Variants in PPP2R2B observed in about 807,000 individuals in gnomAD.
PPP2R2B encodes serine/threonine-protein phosphatase 2A 55 kDa regulatory subunit B beta isoform.
PPP2R2B carries 5 observed loss-of-function variants against 46.0 expected under a neutral mutation model. The ratio of observed to expected loss-of-function variants is 0.11; its 90% CI spans 0.06 to 0.23. The LOEUF (loss-of-function observed/expected upper bound fraction) is 0.23. Among genes scored for constraint, PPP2R2B ranks in the 10% least tolerant of loss-of-function variants. PPP2R2B has a pLI of 1.00. For missense variants in PPP2R2B, 367 were observed against 575.0 expected (o/e 0.64, Z 3.70); for synonymous variants, 215 against 206.7 (o/e 1.04, Z -0.34).
intron 2 of PPP2R2B, among the ~76,000 whole-genome samples, chr5:146,870,670 C>A (rs1289307951): frequency 6.6e-6 from 1 of 152,222 alleles, no homozygotes; most frequent in Non-Finnish European, 1.5e-5. Flanking sequence ...AGGTAAGGTA[C>A]TCTTCGCCAC....
chr5:146,792,360 A>G (rs1429918332), intron 2 of PPP2R2B, among the ~76,000 whole-genome samples: 1 of 152,206 alleles, frequency 6.6e-6, no homozygotes, highest in East Asian at 1.9e-4. Flanking sequence ...TTCTGAGTCA[A>G]TGCCACATTG....
At chr5:146,706,821 G>T in intron 2 of PPP2R2B, 1 of 934,616 alleles carries the variant, frequency 1.1e-6, no homozygotes, top group South Asian at 1.3e-5. Context: ...TCCTCGTACT[G>T]TACCTTGACC....
chr5:146,999,918 C>A (rs567807480), intron 1 of PPP2R2B, among the ~76,000 whole-genome samples: 1 of 152,308 alleles, frequency 6.6e-6, no homozygotes, highest in South Asian at 2.1e-4. Flanking sequence ...CCATCAGCTT[C>A]ACCTAGAAGC....
chr5:146,824,260 C>G (rs1758437154), intron 2 of PPP2R2B, among the ~76,000 whole-genome samples: 1 of 152,170 alleles, frequency 6.6e-6, no homozygotes, highest in African/African-American at 2.4e-5. Flanking sequence ...CCAACCCAGC[C>G]TTAAAAATCA....
At chr5:146,722,887 CTT>C (rs1334638034) in intron 2 of PPP2R2B, among the ~76,000 whole-genome samples, 1 of 152,154 alleles carries the variant, frequency 6.6e-6, no homozygotes, top group Non-Finnish European at 1.5e-5. Flanking sequence ...CTTTCTTTGA[CTT>C]CTCTCTTGTC....
chr5:146,833,919 C>A (rs1290206132), intron 2 of PPP2R2B, among the ~76,000 whole-genome samples: 1 of 152,150 alleles, frequency 6.6e-6, no homozygotes, highest in Non-Finnish European at 1.5e-5. Context: ...GATAACTCAT[C>A]ATGTGAATCA....
intron 2 of PPP2R2B, among the ~76,000 whole-genome samples, chr5:146,742,712 C>T (rs921019002): frequency 3.9e-5 from 6 of 151,976 alleles, no homozygotes; most frequent in Non-Finnish European, 5.9e-5. Context: ...CCCAATATCT[C>T]GGAATGTGAC....
intron 1 of PPP2R2B, among the ~76,000 whole-genome samples, chr5:146,942,944 C>A (rs1298892845): frequency 6.6e-6 from 1 of 151,970 alleles, no homozygotes; most frequent in Non-Finnish European, 1.5e-5. Context: ...ACTACAGGTG[C>A]CCGCCACCAC....
At chr5:147,030,077 C>T (rs755363562) in intron 1 of PPP2R2B, among the ~76,000 whole-genome samples, 16 of 152,166 alleles carry the variant, frequency 1.1e-4, no homozygotes, top group Non-Finnish European at 1.8e-4. Flanking sequence ...TGCTGTATAT[C>T]ACCTAGGAAA....
At chr5:146,832,486 G>A (rs1197825561) in intron 2 of PPP2R2B, among the ~76,000 whole-genome samples, 1 of 147,774 alleles carries the variant, frequency 6.8e-6, no homozygotes, top group East Asian at 2.0e-4. Context: ...CCGCCTCCTG[G>A]GTTCAAGTGA....
chr5:146,785,882 TA>T (rs1755808363), intron 2 of PPP2R2B, among the ~76,000 whole-genome samples: 2 of 151,960 alleles, frequency 1.3e-5, no homozygotes. Flanking sequence ...GGGAAGGGCA[TA>T]GGGGAGGGGA....
At chr5:147,079,011 A>T (rs1181359968) in intron 2 of PPP2R2B, among the ~76,000 whole-genome samples, 1 of 151,926 alleles carries the variant, frequency 6.6e-6, no homozygotes, top group Non-Finnish European at 1.5e-5. Flanking sequence ...TTTCTTTTTT[A>T]AAAAAGTTTC....
intron 4 of PPP2R2B, among the ~76,000 whole-genome samples, chr5:146,695,935 G>T (rs984806368): frequency 6.6e-5 from 10 of 152,134 alleles, no homozygotes; most frequent in Non-Finnish European, 1.2e-4. Flanking sequence ...ATCATTTTGA[G>T]ATGCTGTTGG....
In PPP2R2B at chr5:146,969,965, T is replaced by C. The variant is rs536348008; in HGVS notation, c.79+85700A>G. On this transcript the variant is annotated intron_variant, in intron 1 of 8. Transcript: ENST00000336640. ...ACATATCTGGGCTGGAAAATGAATT[T>C]CGGAGTTTTGAATACATAGATGCTA... Among the ~76,000 whole-genome samples, 4 of 152,286 alleles carry C rather than the reference T, an allele frequency of 2.6e-5. No individual in the cohort carries two copies. The East Asian group carries it at 7.7e-4, about 29-fold the overall frequency.
chr5:146,637,478 T>C (rs1427431195), intron 7 of PPP2R2B, among the ~76,000 whole-genome samples: 2 of 152,230 alleles, frequency 1.3e-5, no homozygotes, highest in African/African-American at 2.4e-5. Context: ...TGCTTATCTA[T>C]ATTATAGTGG....
At chr5:146,868,099 T>C (rs1437602347) in intron 2 of PPP2R2B, among the ~76,000 whole-genome samples, 1 of 152,202 alleles carries the variant, frequency 6.6e-6, no homozygotes, top group Non-Finnish European at 1.5e-5. Context: ...GCTCACCAGA[T>C]GGTTATTTGT....
chr5:146,925,539 G>A (rs1763754473), intron 1 of PPP2R2B, among the ~76,000 whole-genome samples: 1 of 152,148 alleles, frequency 6.6e-6, no homozygotes, highest in Non-Finnish European at 1.5e-5. Context: ...TATGGTGCGT[G>A]CTATTCTTCT....
chr5:147,028,546 C>G (rs1755632560), intron 1 of PPP2R2B, among the ~76,000 whole-genome samples: 1 of 152,074 alleles, frequency 6.6e-6, no homozygotes, highest in South Asian at 2.1e-4. Flanking sequence ...GTAAGCTGTC[C>G]TTTGTATAAA....
intron 8 of PPP2R2B, among the ~76,000 whole-genome samples, chr5:146,595,498 G>T (rs1771087188): frequency 6.6e-6 from 1 of 152,190 alleles, no homozygotes; most frequent in South Asian, 2.1e-4. Context: ...ACATTGCTGA[G>T]AACTCTGTAA....
Sources: gnomAD v4.1 joint callset for allele counts (sites outside exome capture counted in the v4.1 genomes callset) on GRCh38, gnomAD v4.1.1 for gene constraint, MANE v1.5 for transcripts, NCBI Gene and HGNC (gene_info 2026-07-23, HGNC 2026-07-21) for gene names.